The following MACROD2 variants were observed in gnomAD, a reference collection of about 807,000 sequenced individuals.
MACROD2 encodes mono-ADP ribosylhydrolase 2, also known as ADP-ribose glycohydrolase MACROD2.
MACROD2 carries 36 observed loss-of-function variants against 70.4 expected under a neutral mutation model. That is an observed-to-expected ratio of 0.51 (90% CI 0.39 to 0.68). The LOEUF is 0.68. MACROD2 is among the 30% of genes least tolerant of loss of function. The pLI is 0.00. For missense variants in MACROD2, 496 were observed against 538.4 expected (o/e 0.92, Z 0.78); for synonymous variants, 172 against 178.8 (o/e 0.96, Z 0.30).
chr20:14,662,363 A>G (rs977326485), intron 4 of MACROD2, among the ~76,000 whole-genome samples: 1 of 152,056 alleles, frequency 6.6e-6, no homozygotes, highest in Admixed American at 6.6e-5. Flanking sequence ...ACTTCAATGT[A>G]AAACCCAAAA....
At chr20:15,918,602 G>A (rs544475982) in intron 10 of MACROD2, among the ~76,000 whole-genome samples, 120 of 152,302 alleles carry the variant, frequency 7.9e-4, no homozygotes, top group South Asian at 1.2e-3. Context: ...GGGAAATTGG[G>A]TTTATCAAGT....
intron 4 of MACROD2, among the ~76,000 whole-genome samples, chr20:14,642,683 G>A (rs549699948): frequency 2.8e-4 from 43 of 152,232 alleles, no homozygotes; most frequent in African/African-American, 9.1e-4. Flanking sequence ...TGGTGGAGCA[G>A]TGAGAACACA....
intron 8 of MACROD2, among the ~76,000 whole-genome samples, chr20:15,503,912 T>G (rs1025954644): frequency 2.6e-5 from 4 of 152,218 alleles, no homozygotes; most frequent in Non-Finnish European, 5.9e-5. Context: ...CTCATGCTTT[T>G]CTTATTCAGC....
chr20:14,315,729 C>A (rs902385181), intron 3 of MACROD2, among the ~76,000 whole-genome samples: 5 of 152,168 alleles, frequency 3.3e-5, no homozygotes, highest in Non-Finnish European at 7.4e-5. Context: ...AAAGTACTTA[C>A]AGTTCAACTA....
rs78566535 is a variant in MACROD2, at chr20:15,549,078, A to T, written c.645+49231A>T. ...ACTACAACTGGGCCCTGAATCCATC[A>T]TCCTCAAAATTGTAAGATAGTAAGA... On this transcript the variant is annotated intron_variant, in intron 8 of 17. Coordinates refer to ENST00000684519, the MANE Select transcript of MACROD2 (RefSeq NM_001351661.2). Among the ~76,000 whole-genome samples, 433 of 152,300 alleles carry T rather than the reference A, an allele frequency of 2.8e-3. 4 individuals carry two copies. The highest frequency in any genetic ancestry group is 9.4e-3 in the African/African-American group (390 of 41,548).
At position 15,804,859 on chromosome 20, in the gene MACROD2, C is replaced by T. The variant is rs969230491; in HGVS notation, c.646-57886C>T. 3.9e-5 allele frequency among the ~76,000 whole-genome samples: 6 copies of T among 152,160 alleles called. No individual in the cohort carries two copies. In the East Asian group the frequency reaches 1.2e-3, roughly 29 times the overall value. ...AAGCCAGGAATTTAATATCTCCCAC[C>T]TTCCCATGAGTGGCTTTCAACCCAT... On this transcript the variant is annotated intron_variant, in intron 8 of 17. Transcript: ENST00000684519.
At chr20:14,596,498 G>T (rs1048766478) in intron 4 of MACROD2, among the ~76,000 whole-genome samples, 1 of 150,082 alleles carries the variant, frequency 6.7e-6, no homozygotes, top group South Asian at 2.1e-4. Context: ...TAATTTTTTT[G>T]AATGCATTTT....
At chr20:15,995,649 C>CTTTTTTTTTTTTTTTTT (rs71192310) in intron 15 of MACROD2, among the ~76,000 whole-genome samples, 1,027 of 85,374 alleles carry the variant, frequency 0.012, 52 homozygotes, top group Non-Finnish European at 0.017. Context: ...TATGCCCGGC[C>CTTTTTTTTTTTTTTTTT]TTTTTTTTTT....
At chr20:14,387,019 C>A (rs895628751) in intron 3 of MACROD2, among the ~76,000 whole-genome samples, 1 of 152,154 alleles carries the variant, frequency 6.6e-6, no homozygotes, top group African/African-American at 2.4e-5. Flanking sequence ...TAACAGCAGG[C>A]GTATCTCCTT....
chr20:15,176,714 C>T, intron 5 of MACROD2, among the ~76,000 whole-genome samples: 1 of 152,154 alleles, frequency 6.6e-6, no homozygotes, highest in East Asian at 1.9e-4. Flanking sequence ...GAACTCAGGA[C>T]ATGCCAAATG....
intron 5 of MACROD2, among the ~76,000 whole-genome samples, chr20:15,102,504 C>G (rs781241587): frequency 8.6e-5 from 13 of 151,834 alleles, no homozygotes; most frequent in Non-Finnish European, 1.6e-4. Context: ...TGGGACCTGA[C>G]ATATTAGTTA....
intron 5 of MACROD2, among the ~76,000 whole-genome samples, chr20:14,826,503 C>G (rs1600702326): frequency 6.6e-6 from 1 of 152,006 alleles, no homozygotes; most frequent in Admixed American, 6.6e-5. Context: ...ACAGAATTTA[C>G]TGTTTATTTC....
Position 14,071,250 on chromosome 20 carries a change from G to GTTTT in MACROD2, c.164-14370_164-14369insTTTT, listed in dbSNP as rs1569145178. ...AAGACAGTATTGGCCATTTCATCTT[G>GTTTT]TGTTTTTTTTTTTTTTTTTTTTTTT... is the stretch of plus-strand genomic sequence containing the variant. On this transcript the variant is annotated intron_variant, in intron 2 of 17. Transcript: ENST00000684519. 9.7e-4 allele frequency among the ~76,000 whole-genome samples: 59 copies of GTTTT among 61,048 alleles called. 1 individual carries two copies. Among genetic ancestry groups the GTTTT allele is most frequent in the Non-Finnish European group, 1.5e-3 (38 of 25,952 alleles). 40.0% of individuals were successfully genotyped at this position (61,048 alleles called of 152,430 possible).
At chr20:15,434,035 A>T (rs1235182629) in intron 7 of MACROD2, among the ~76,000 whole-genome samples, 1 of 152,082 alleles carries the variant, frequency 6.6e-6, no homozygotes, top group African/African-American at 2.4e-5. Flanking sequence ...CTCACACAAA[A>T]ATCAACTCAA....
At chr20:15,569,815 G>A (rs1045026481) in intron 8 of MACROD2, among the ~76,000 whole-genome samples, 1 of 152,080 alleles carries the variant, frequency 6.6e-6, no homozygotes, top group Non-Finnish European at 1.5e-5. Context: ...GCAAATGACA[G>A]GATTTCCTTC....
Position 14,424,216 on chromosome 20 carries a change from G to C in MACROD2, c.272-69263G>C, listed in dbSNP as rs2083909702. 2.0e-5 allele frequency among the ~76,000 whole-genome samples: 3 copies of C among 152,104 alleles called. No individual in the cohort carries two copies. In the South Asian group the frequency reaches 6.2e-4, roughly 32 times the overall value. On this transcript the variant is annotated intron_variant, in intron 3 of 17. Coordinates refer to ENST00000684519, the MANE Select transcript of MACROD2 (RefSeq NM_001351661.2). The stretch of plus-strand genomic sequence containing the variant: ...TTTAACTGTGAATTTAGAGTAGGAA[G>C]CTTTTTTTGCAAGTATATTTTTTGT...
intron 8 of MACROD2, among the ~76,000 whole-genome samples, chr20:15,748,723 T>C (rs6043509): frequency 0.31 from 47,579 of 151,956 alleles, 9,684 homozygotes; most frequent in African/African-American, 0.59. Context: ...TCCACTCAAG[T>C]GTATTCCAAC....
intron 8 of MACROD2, among the ~76,000 whole-genome samples, chr20:15,655,883 G>A (rs559071839): frequency 6.6e-6 from 1 of 152,300 alleles, no homozygotes; most frequent in African/African-American, 2.4e-5. Context: ...AAAGAGGAAA[G>A]TAGTTTGTTT....
chr20:14,051,039 A>G (rs993632224), intron 2 of MACROD2, among the ~76,000 whole-genome samples: 2 of 152,188 alleles, frequency 1.3e-5, no homozygotes, highest in African/African-American at 4.8e-5. Context: ...ATACTTGTGA[A>G]AAGATGGTCA....
Sources: gnomAD v4.1 joint callset for allele counts (sites outside exome capture counted in the v4.1 genomes callset) on GRCh38, gnomAD v4.1.1 for gene constraint, MANE v1.5 for transcripts, NCBI Gene and HGNC (gene_info 2026-07-23, HGNC 2026-07-21) for gene names.